The following LRRK2 variants were observed in gnomAD, a reference collection of about 807,000 sequenced individuals.
LRRK2 encodes leucine-rich repeat serine/threonine-protein kinase 2.
LRRK2 carries 203 observed loss-of-function variants against 302.6 expected under a neutral mutation model. That is an observed-to-expected ratio of 0.67 (90% CI 0.60 to 0.75). The LOEUF (loss-of-function observed/expected upper bound fraction) is 0.75, where lower values mean the gene tolerates loss of function less well. LRRK2 is among the 30% of genes least tolerant of loss of function. The pLI, the probability that LRRK2 is intolerant of heterozygous loss-of-function variation, is 0.00. For missense variants in LRRK2, 2,830 were observed against 2,951.0 expected (o/e 0.96, Z 0.95); for synonymous variants, 1,066 against 1,031.9 (o/e 1.03, Z -0.63).
At chr12:40,291,223 G>A (rs1379234365) in intron 20 of LRRK2, among the ~76,000 whole-genome samples, 1 of 150,348 alleles carries the variant, frequency 6.7e-6, no homozygotes, top group Non-Finnish European at 1.5e-5. Context: ...GGTGGGAATT[G>A]AACAATGAGA....
rs919819221 is a variant in LRRK2, at chr12:40,369,200, A to G, written c.*1435A>G. ...GTTATCTCTTTCATTGTTACTTTGT[A>G]TTTGCAATTTTTTTTACCAAAGACA... On this transcript the variant is annotated 3_prime_UTR_variant, in exon 51 of 51. Transcript: ENST00000298910. 2.6e-5 allele frequency: 4 copies of G among 151,770 alleles called. No homozygotes were observed. Among genetic ancestry groups the G allele is most frequent in the Non-Finnish European group, 4.4e-5 (3 of 67,772 alleles). The allele number at this position is 151,770 out of a possible 1,614,324, so 9.4% of individuals were successfully genotyped here.
chr12:40,296,587 G>A (rs974323677), intron 23 of LRRK2, among the ~76,000 whole-genome samples: 5 of 151,504 alleles, frequency 3.3e-5, no homozygotes, highest in Admixed American at 6.6e-5. Context: ...AGCCAAGATC[G>A]CACCACTGTA....
At chr12:40,229,893 A>G (rs1343801280) in intron 2 of LRRK2, among the ~76,000 whole-genome samples, 1 of 151,726 alleles carries the variant, frequency 6.6e-6, no homozygotes. Flanking sequence ...CAACCAAAAC[A>G]AACAGGTTTT....
At chr12:40,300,721 A>G (rs1944591885) in intron 25 of LRRK2, 2 of 460,872 alleles carry the variant, frequency 4.3e-6, no homozygotes, top group Non-Finnish European at 9.0e-6. Flanking sequence ...GTCCTTAAGG[A>G]ACTTGTGATT....
chr12:40,365,783 A>G (rs1946860684), intron 49 of LRRK2: 1 of 151,994 alleles, frequency 6.6e-6, no homozygotes, highest in African/African-American at 2.4e-5. Flanking sequence ...CATTGCAAGT[A>G]TATGTGAAAG....
chr12:40,314,260 A>T (rs1384649043), intron 32 of LRRK2, 87 bp downstream of exon 32: 5 of 1,334,052 alleles, frequency 3.7e-6, no homozygotes, highest in Non-Finnish European at 5.3e-6. Context: ...TTTACATTCA[A>T]AGTTGAGAGA....
chr12:40,278,149 A>G lies in LRRK2; in HGVS notation c.2129A>G (p.Asn710Ser), dbSNP rs753384154. 1 of 1,614,136 alleles carries G rather than the reference A, an allele frequency of 6.2e-7. No individual in the cohort carries two copies. Among genetic ancestry groups the G allele is most frequent in the South Asian group, 1.1e-5 (1 of 91,080 alleles). Residue 710 changes from asparagine (N) to serine (S), a missense_variant, in exon 18 of 51, where the codon AAT becomes AGT. This residue lies in a region of LRRK2 where 2,121 missense variants were observed against 2,148.0 expected (regional missense o/e 0.99). Transcript: ENST00000298910. Reference sequence around the variant, plus strand: ...GTAGCTATGGATGATTACTTAAAAAATGTGATGCTAGAGAGAGCGTGTGAT... The same window carrying G: ...GTAGCTATGGATGATTACTTAAAAAGTGTGATGCTAGAGAGAGCGTGTGAT... ...AKVAMDDYLK[N>S]VMLERACDQN...
At chr12:40,257,171 A>G (rs1363169654) in intron 11 of LRRK2, 77 bp from the exon 12 acceptor site, 1 of 1,079,124 alleles carries the variant, frequency 9.3e-7, no homozygotes, top group Non-Finnish European at 1.4e-6. Context: ...TTTGGACTAT[A>G]TTAATATTCT....
intron 15 of LRRK2, 21 bp from the exon 16 acceptor site, chr12:40,274,833 T>C: frequency 6.2e-7 from 1 of 1,608,220 alleles, no homozygotes; most frequent in Admixed American, 1.7e-5. Context: ...TTAAAACAAT[T>C]CTTTTTTTTT....
At chr12:40,360,797 C>A (rs1357870460) in intron 47 of LRRK2, among the ~76,000 whole-genome samples, 1 of 152,054 alleles carries the variant, frequency 6.6e-6, no homozygotes, top group Non-Finnish European at 1.5e-5. Context: ...TGACTCAGAT[C>A]TCTAAGACAA....
chr12:40,232,394 T>C lies in LRRK2; in HGVS notation c.347+11T>C, dbSNP rs181145872. The C allele has an allele frequency of 6.9e-6, 11 of 1,590,884 alleles. No individual in the cohort carries two copies. The Admixed American group carries it at 1.3e-4, about 19-fold the overall frequency. On this transcript the variant is annotated intron_variant, in intron 3 of 50. Transcript: ENST00000298910. ...CCTTGGTGTTCACCAGTAAGTATGA[T>C]AGATATGTAAAACAAATGGCCTTGA...
intron 4 of LRRK2, among the ~76,000 whole-genome samples, chr12:40,235,915 T>A (rs751829357): frequency 1.4e-4 from 21 of 151,976 alleles, no homozygotes; most frequent in South Asian, 4.1e-4. Context: ...ATCAGTTATT[T>A]CCAAAATTCT....
chr12:40,273,673 C>A (rs1592201512), intron 14 of LRRK2, among the ~76,000 whole-genome samples: 1 of 152,080 alleles, frequency 6.6e-6, no homozygotes, highest in African/African-American at 2.4e-5. Flanking sequence ...CTAGTGTCTG[C>A]AAAACATCAT....
chr12:40,279,491 C>T (rs1943597509), intron 18 of LRRK2, among the ~76,000 whole-genome samples: 1 of 151,990 alleles, frequency 6.6e-6, no homozygotes, highest in Non-Finnish European at 1.5e-5. Context: ...TAAATTTTTC[C>T]ATCAATAATT....
At chr12:40,289,875 G>A (rs1944075005) in intron 20 of LRRK2, among the ~76,000 whole-genome samples, 1 of 151,712 alleles carries the variant, frequency 6.6e-6, no homozygotes, top group Non-Finnish European at 1.5e-5. Context: ...ATACCATTTG[G>A]TAATAAAGAC....
intron 4 of LRRK2, among the ~76,000 whole-genome samples, chr12:40,237,490 A>C (rs545672410): frequency 1.3e-5 from 2 of 152,200 alleles, no homozygotes; most frequent in African/African-American, 4.8e-5. Flanking sequence ...GGACTTGGTA[A>C]TGAATTGATT....
intron 14 of LRRK2, among the ~76,000 whole-genome samples, chr12:40,272,160 T>C (rs1943257656): frequency 6.6e-6 from 1 of 152,056 alleles, no homozygotes; most frequent in Non-Finnish European, 1.5e-5. Context: ...GCAAGTGCTC[T>C]GTGAGCATGA....
intron 33 of LRRK2, among the ~76,000 whole-genome samples, chr12:40,315,581 G>C (rs1221383818): frequency 6.6e-6 from 1 of 151,940 alleles, no homozygotes; most frequent in African/African-American, 2.4e-5. Flanking sequence ...GATGTCATTG[G>C]TTTGGTTACT....
At chr12:40,351,050 C>G (rs988399846) in intron 43 of LRRK2, among the ~76,000 whole-genome samples, 2 of 152,146 alleles carry the variant, frequency 1.3e-5, no homozygotes, top group African/African-American at 2.4e-5. Flanking sequence ...TTCCTGACTT[C>G]TGGTTCTGTT....
Sources: allele counts gnomAD v4.1 joint callset (sites outside exome capture counted in the v4.1 genomes callset), GRCh38; gene constraint gnomAD v4.1.1; regional missense constraint gnomAD v4.1.1; transcripts MANE v1.5; gene names NCBI Gene and HGNC (gene_info 2026-07-23, HGNC 2026-07-21).